Variants in XRCC6 observed in about 807,000 individuals in gnomAD.
The protein encoded by XRCC6 is DNA repair protein Ku70.
Under a neutral mutation model 65.7 loss-of-function variants are expected in XRCC6, and 5 were observed. That is an observed-to-expected ratio of 0.08 (90% CI 0.04 to 0.16). The LOEUF is 0.16. Ranked by LOEUF, XRCC6 falls within the 10% of genes least tolerant of loss-of-function variation. XRCC6 has a pLI of 1.00. For missense variants in XRCC6, 447 were observed against 738.1 expected (o/e 0.61, Z 4.57); for synonymous variants, 270 against 270.6 (o/e 1.00, Z 0.02).
rs562297881 is a variant in XRCC6 at position 41,650,880 on chromosome 22, C to T, written c.1118C>T (p.Ser373Leu). The T allele has an allele frequency of 2.5e-6, 4 of 1,614,086 alleles. No homozygotes were observed. The highest frequency in any genetic ancestry group is 3.4e-6 in the Non-Finnish European group (4 of 1,179,992). ...RPSLFVYPEE[S>L]LVIGSSTLFS... ...TCCCTGTTCGTGTACCCAGAGGAGT[C>T]GCTGGTGATTGGTAAGTAGCGTGGA... Residue 373 changes from serine (S) to leucine (L), a missense_variant, in exon 8 of 13, where the codon TCG (serine) becomes TTG (leucine). By Grantham distance (145) the Ser-to-Leu change is moderately radical. This residue lies in a region of XRCC6 where 201 missense variants were observed against 374.1 expected (regional missense o/e 0.54). Coordinates refer to ENST00000360079, the MANE Select transcript of XRCC6 (RefSeq NM_001469.5).
chr22:41,656,638 C>T (rs6002428), intron 9 of XRCC6, among the ~76,000 whole-genome samples: 24 of 152,284 alleles, frequency 1.6e-4, no homozygotes, highest in South Asian at 4.1e-4. Context: ...GGTATCCTCC[C>T]GGGTTCTTCA....
intron 2 of XRCC6, among the ~76,000 whole-genome samples, chr22:41,627,482 G>C (rs1428352789): frequency 7.2e-5 from 11 of 151,888 alleles, no homozygotes; most frequent in Admixed American, 7.2e-4. Flanking sequence ...GTGGTGGCGG[G>C]CGTCTATAAT....
chr22:41,643,993 A>T (rs186382394), intron 6 of XRCC6, among the ~76,000 whole-genome samples: 4 of 147,676 alleles, frequency 2.7e-5, no homozygotes, highest in South Asian at 2.1e-4. Context: ...TCAAAAAAAA[A>T]AAAATTAGCT....
intron 4 of XRCC6, 83 bp downstream of exon 4, chr22:41,636,334 C>T: frequency 6.6e-7 from 1 of 1,509,842 alleles, no homozygotes; most frequent in Non-Finnish European, 8.9e-7. Flanking sequence ...GAGAAGGAAG[C>T]AAGTTACATC....
At chr22:41,653,461 T>A (rs1402179000) in intron 8 of XRCC6, 68 bp from the exon 9 acceptor site, 3 of 1,434,888 alleles carry the variant, frequency 2.1e-6, no homozygotes, top group Non-Finnish European at 2.8e-6. Flanking sequence ...AGAGAAACTT[T>A]AGGGCTAAAA....
intron 6 of XRCC6, among the ~76,000 whole-genome samples, chr22:41,645,109 T>C (rs1208126072): frequency 3.3e-5 from 5 of 151,788 alleles, no homozygotes; most frequent in Non-Finnish European, 5.9e-5. Context: ...GAGACCAGCC[T>C]GACCAATATG....
At chr22:41,654,409 G>A (rs1193348434) in intron 9 of XRCC6, among the ~76,000 whole-genome samples, 1 of 152,094 alleles carries the variant, frequency 6.6e-6, no homozygotes, top group Non-Finnish European at 1.5e-5. Context: ...CACTACTGAG[G>A]CTGAAATGAT....
chr22:41,623,758 T>C (rs2067637784), intron 2 of XRCC6, among the ~76,000 whole-genome samples: 1 of 151,832 alleles, frequency 6.6e-6, no homozygotes, highest in South Asian at 2.1e-4. Context: ...TCTTGCTCTG[T>C]CGCCCAGGCT....
chr22:41,637,582 C>G (rs1349864275), intron 5 of XRCC6, 26 bp from the exon 6 acceptor site: 2 of 1,515,160 alleles, frequency 1.3e-6, no homozygotes, highest in East Asian at 2.4e-5. Context: ...TTTTTCCTCC[C>G]TCACTTTTGT....
At chr22:41,637,461 C>T in intron 5 of XRCC6, 147 bp from the exon 6 acceptor site, 2 of 709,150 alleles carry the variant, frequency 2.8e-6, no homozygotes, top group Non-Finnish European at 4.5e-6. Flanking sequence ...CAGTTGGTTT[C>T]CTTAGTCACT....
At chr22:41,651,265 T>A (rs1023986712) in intron 8 of XRCC6, among the ~76,000 whole-genome samples, 1 of 147,710 alleles carries the variant, frequency 6.8e-6, no homozygotes, top group Non-Finnish European at 1.5e-5. Context: ...ACCACTGCAC[T>A]CCAGCCTGGG....
intron 2 of XRCC6, among the ~76,000 whole-genome samples, chr22:41,624,866 A>G (rs2067652235): frequency 6.7e-6 from 1 of 150,134 alleles, no homozygotes; most frequent in African/African-American, 2.5e-5. Context: ...GCGTGGTGGC[A>G]GGCGCTTGTA....
At chr22:41,662,401 C>T (rs1386506514) in intron 12 of XRCC6, among the ~76,000 whole-genome samples, 4 of 152,078 alleles carry the variant, frequency 2.6e-5, no homozygotes, top group African/African-American at 9.7e-5. Flanking sequence ...GTCTATACAA[C>T]CATACATATT....
Position 41,663,850 on chromosome 22 carries a change from G to T in XRCC6, c.*35G>T, listed in dbSNP as rs55843518. 728 of 1,596,896 alleles carry T rather than the reference G, an allele frequency of 4.6e-4. 10 individuals are homozygous for T. The East Asian group carries it at 0.016, about 34-fold the overall frequency. On this transcript the variant is annotated 3_prime_UTR_variant, in exon 13 of 13. Transcript: ENST00000360079. ...GCGCGTCCAGCTGCCCTTCCGCAGT[G>T]TGGCCAGGCTGCCTGGCCTTGTCCT...
At chr22:41,633,478 A>T (rs191018163) in intron 3 of XRCC6, among the ~76,000 whole-genome samples, 328 of 150,486 alleles carry the variant, frequency 2.2e-3, no homozygotes, top group Non-Finnish European at 3.4e-3. Context: ...CTGGGTTCAC[A>T]CCATTCTCCT....
chr22:41,653,794 G>C, intron 9 of XRCC6, 104 bp downstream of exon 9: 19 of 1,386,062 alleles, frequency 1.4e-5, no homozygotes, highest in Middle Eastern at 3.7e-4. Context: ...TCTGGGAATG[G>C]GGCTTAAAAA....
Position 41,631,296 on chromosome 22 carries a change from C to T in XRCC6, c.195+3066C>T, listed in dbSNP as rs543177376. Among the ~76,000 whole-genome samples, 224 of 150,930 alleles carry T rather than the reference C, an allele frequency of 1.5e-3. 1 individual carries two copies. Among genetic ancestry groups the T allele is most frequent in the African/African-American group, 5.4e-3 (220 of 40,984 alleles). ...CCCCCCACCTCCCTCCCGGACGGGT[C>T]GGCTGCTGGGCGGAGAGGCTCCTCA... On this transcript the variant is annotated intron_variant, in intron 3 of 12. Coordinates refer to ENST00000360079, the MANE Select transcript of XRCC6 (RefSeq NM_001469.5).
chr22:41,626,633 T>G (rs528876415), intron 2 of XRCC6, among the ~76,000 whole-genome samples: 13 of 146,296 alleles, frequency 8.9e-5, no homozygotes, highest in East Asian at 4.0e-4. Context: ...GTTTGTTTGT[T>G]TTTTTTTTTG....
At chr22:41,658,413 C>A in intron 11 of XRCC6, 61 bp downstream of exon 11, 1 of 1,497,746 alleles carries the variant, frequency 6.7e-7, no homozygotes, top group Non-Finnish European at 9.3e-7. Flanking sequence ...TTCCACTCTG[C>A]ACCAGTAATT....
Sources: gnomAD v4.1 joint callset for allele counts (sites outside exome capture counted in the v4.1 genomes callset) on GRCh38, gnomAD v4.1.1 for gene constraint, gnomAD v4.1.1 regional missense constraint, MANE v1.5 for transcripts, NCBI Gene and HGNC (gene_info 2026-07-23, HGNC 2026-07-21) for gene names.